MYO16: variants seen among roughly 807,000 people sequenced by gnomAD.
MYO16 encodes the protein unconventional myosin-XVI.
In MYO16, 94 loss-of-function variants were observed where a neutral mutation model predicts 205.3. The ratio of observed to expected loss-of-function variants is 0.46; its 90% CI spans 0.39 to 0.54. The LOEUF is 0.54. Ranked by LOEUF, MYO16 falls within the 20% of genes least tolerant of loss-of-function variation. MYO16 has a pLI of 0.00. For synonymous variants in MYO16, 988 were observed against 954.0 expected (o/e 1.04, Z -0.66); for missense variants, 2,315 against 2,387.5 (o/e 0.97, Z 0.63).
At chr13:109,097,255 G>A (rs1888807714) in intron 27 of MYO16, among the ~76,000 whole-genome samples, 1 of 151,176 alleles carries the variant, frequency 6.6e-6, no homozygotes, top group South Asian at 2.1e-4. Context: ...TTTGAACCCA[G>A]GAGGCAGAGG....
chr13:108,602,155 G>C (rs1878790308), intron 1 of MYO16, among the ~76,000 whole-genome samples: 1 of 150,044 alleles, frequency 6.7e-6, no homozygotes, highest in Non-Finnish European at 1.5e-5. Flanking sequence ...CTGGACACCA[G>C]GTCTGCCAGT....
chr13:108,760,904 C>T (rs1885584878), intron 4 of MYO16, among the ~76,000 whole-genome samples: 1 of 152,178 alleles, frequency 6.6e-6, no homozygotes, highest in Non-Finnish European at 1.5e-5. Flanking sequence ...TGAGTGAGAA[C>T]ATGTGATATT....
Position 109,206,897 on chromosome 13 carries a change from A to G in MYO16, c.*61A>G, listed in dbSNP as rs530449285. Reference sequence around the variant, plus strand: ...CCTACTGATTCCGGGCTGCAACAACAGAAGGCTGCCTTCTGACATGCGCTG... The same window carrying G: ...CCTACTGATTCCGGGCTGCAACAACGGAAGGCTGCCTTCTGACATGCGCTG... On this transcript the variant is annotated 3_prime_UTR_variant, in exon 35 of 35. Transcript: ENST00000457511. 4 of 1,481,316 alleles carry G rather than the reference A, an allele frequency of 2.7e-6. No individual in the cohort carries two copies. The South Asian group carries it at 4.8e-5, about 18-fold the overall frequency. 91.8% of individuals were successfully genotyped at this position (1,481,316 alleles called of 1,614,324 possible).
intron 1 of MYO16, among the ~76,000 whole-genome samples, chr13:108,603,422 T>C (rs1878837904): frequency 6.6e-6 from 1 of 152,194 alleles, no homozygotes; most frequent in African/African-American, 2.4e-5. Context: ...TAATATGAAA[T>C]ATGTTATTCA....
the MYO16 span, among the ~76,000 whole-genome samples, chr13:108,566,663 A>C: frequency 6.6e-6 from 1 of 150,826 alleles, no homozygotes; most frequent in Admixed American, 6.7e-5. Context: ...AGAAAGAAGG[A>C]AAGAAGGAAG....
At chr13:109,009,853 C>G (rs1482141589) in intron 22 of MYO16, among the ~76,000 whole-genome samples, 1 of 152,114 alleles carries the variant, frequency 6.6e-6, no homozygotes, top group East Asian at 1.9e-4. Flanking sequence ...AAATTACAGC[C>G]CTCTTCCTCC....
chr13:109,140,183 C>T lies in MYO16; in HGVS notation c.4052-81C>T. On this transcript the variant is annotated intron_variant, in intron 31 of 34. Coordinates refer to ENST00000457511, the MANE Select transcript of MYO16 (RefSeq NM_001198950.3). The surrounding 1 kb of genome is among the most constrained non-coding windows in gnomAD (Gnocchi z 8.0). ...ATTCTCGGGGCACGGGGCCGTGGCT[C>T]CCTCCGAGTCGAGCCCCGGGCTTGG... 1 of 1,547,288 alleles carries T rather than the reference C, an allele frequency of 6.5e-7. No homozygotes were observed. The highest frequency in any genetic ancestry group is 8.6e-7 in the Non-Finnish European group (1 of 1,156,944).
intron 3 of MYO16, among the ~76,000 whole-genome samples, chr13:108,713,115 GTAGTATT>G (rs1172416561): frequency 6.6e-6 from 1 of 152,016 alleles, no homozygotes; most frequent in Non-Finnish European, 1.5e-5. Flanking sequence ...AGCCTGCCTT[GTAGTATT>G]TTAGAAACAA....
chr13:109,155,266 G>A (rs1035403989), intron 32 of MYO16, among the ~76,000 whole-genome samples: 2 of 152,082 alleles, frequency 1.3e-5, no homozygotes, highest in Admixed American at 1.3e-4. Flanking sequence ...AGTGAAGGAG[G>A]AGCAGACATT....
At position 108,793,145 on chromosome 13, in the gene MYO16, G is replaced by T. The variant is rs540749359; in HGVS notation, c.617-371G>T. Among the ~76,000 whole-genome samples the T allele has an allele frequency of 3.0e-4, 46 of 152,060 alleles. No individual in the cohort carries two copies. The South Asian group carries it at 9.2e-3, about 30-fold the overall frequency. ...AAAAATACAAAAAAAAATTAGCCGG[G>T]CGCAGTGGCGGGCGCCTGTAGTCCC... On this transcript the variant is annotated intron_variant, in intron 5 of 34. Transcript: ENST00000457511.
intron 16 of MYO16, among the ~76,000 whole-genome samples, chr13:108,952,705 C>G (rs1445207618): frequency 1.3e-5 from 2 of 152,160 alleles, no homozygotes; most frequent in East Asian, 3.8e-4. Flanking sequence ...AAAAACAAAA[C>G]AGCAATTACT....
At chr13:108,559,465 CT>C in the MYO16 span, among the ~76,000 whole-genome samples, 2 of 127,994 alleles carry the variant, frequency 1.6e-5, no homozygotes, top group Non-Finnish European at 3.3e-5. Context: ...TTTTCTTTTT[CT>C]TTTCTTTTTT....
At chr13:108,837,272 A>G (rs1876980617) in intron 9 of MYO16, among the ~76,000 whole-genome samples, 2 of 152,096 alleles carry the variant, frequency 1.3e-5, no homozygotes, top group African/African-American at 4.8e-5. Context: ...GCCTTCTGCC[A>G]TGATTGTAAG....
At position 108,980,787 on chromosome 13, in the gene MYO16, A is replaced by C. The variant is rs376889078; in HGVS notation, c.2370-11589A>C. Among the ~76,000 whole-genome samples, 3 of 152,202 alleles carry C rather than the reference A, an allele frequency of 2.0e-5. No homozygotes were observed. The East Asian group carries it at 5.8e-4, about 29-fold the overall frequency. On this transcript the variant is annotated intron_variant, in intron 20 of 34. Transcript: ENST00000457511. ...AGGTGTGAGAAGTTGTGAAGCTACG[A>C]TTATTGTGGTTATTATTTTTTGAAT...
intron 18 of MYO16, among the ~76,000 whole-genome samples, chr13:108,962,031 A>G (rs555775604): frequency 6.6e-6 from 1 of 152,324 alleles, no homozygotes; most frequent in East Asian, 1.9e-4. Context: ...CTTGCCAAAA[A>G]TCTCTCTCTT....
the MYO16 span, among the ~76,000 whole-genome samples, chr13:108,558,301 T>G: frequency 6.6e-6 from 1 of 152,188 alleles, no homozygotes; most frequent in East Asian, 1.9e-4. Flanking sequence ...CCACTGAATT[T>G]TGCCTTGGGA....
intron 4 of MYO16, among the ~76,000 whole-genome samples, chr13:108,771,345 CT>C (rs1450884918): frequency 1.3e-5 from 2 of 152,068 alleles, no homozygotes; most frequent in East Asian, 1.9e-4. Context: ...TTTATTTAGA[CT>C]TTTTTTAGAG....
chr13:108,622,638 A>T (rs1422852736), intron 1 of MYO16, among the ~76,000 whole-genome samples: 1 of 105,926 alleles, frequency 9.4e-6, no homozygotes, highest in Non-Finnish European at 1.9e-5. Flanking sequence ...GAAAAGGAGG[A>T]GGGGGGAAGG....
At chr13:109,017,530 A>C (rs2139506710) in intron 22 of MYO16, among the ~76,000 whole-genome samples, 1 of 152,252 alleles carries the variant, frequency 6.6e-6, no homozygotes, top group South Asian at 2.1e-4. Flanking sequence ...CGGTTGGGGA[A>C]GTTCTCCTGG....
Sources: allele counts gnomAD v4.1 joint callset (sites outside exome capture counted in the v4.1 genomes callset), GRCh38; gene constraint gnomAD v4.1.1; non-coding constraint Gnocchi (gnomAD v3.1); transcripts MANE v1.5; gene names NCBI Gene and HGNC (gene_info 2026-07-23, HGNC 2026-07-21).